Variants in ATP6V1C2 observed in about 807,000 individuals in gnomAD.
ATP6V1C2 encodes ATPase H+ transporting V1 subunit C2, also known as V-type proton ATPase subunit C 2.
Under a neutral mutation model 56.8 loss-of-function variants are expected in ATP6V1C2, and 45 were observed. That is an observed-to-expected ratio of 0.79 (90% confidence interval 0.62 to 1.02). The LOEUF (loss-of-function observed/expected upper bound fraction) is 1.02. ATP6V1C2 is among the 50% of genes least tolerant of loss of function. The pLI, the probability that ATP6V1C2 is intolerant of heterozygous loss-of-function variation, is 0.00. For synonymous variants in ATP6V1C2, 220 were observed against 201.3 expected (o/e 1.09, Z -0.79); for missense variants, 463 against 519.7 (o/e 0.89, Z 1.06).
Position 10,722,220 on chromosome 2 carries a change from C to T in ATP6V1C2, c.-27+489C>T, listed in dbSNP as rs139182259. Among the ~76,000 whole-genome samples the T allele has an allele frequency of 5.5e-4, 84 of 152,232 alleles. 1 individual carries two copies. In the East Asian group the frequency reaches 0.014, roughly 25 times the overall value. Reference sequence around the variant, plus strand: ...GCGGCCGCGAAACCACCGGCCACGCCGGGCAAGGGACCCAGCACTGCTGAG... The same window carrying T: ...GCGGCCGCGAAACCACCGGCCACGCTGGGCAAGGGACCCAGCACTGCTGAG... On this transcript the variant is annotated intron_variant, in intron 1 of 13. Coordinates refer to ENST00000272238, the MANE Select transcript of ATP6V1C2 (RefSeq NM_001039362.2).
intron 3 of ATP6V1C2, among the ~76,000 whole-genome samples, chr2:10,740,125 GA>G (rs1397119642): frequency 6.6e-6 from 1 of 150,970 alleles, no homozygotes; most frequent in Non-Finnish European, 1.5e-5. Flanking sequence ...TGCATGCCCA[GA>G]AGTGGAATTA....
intron 3 of ATP6V1C2, among the ~76,000 whole-genome samples, chr2:10,738,606 G>A (rs1159022186): frequency 6.6e-6 from 1 of 152,122 alleles, no homozygotes; most frequent in East Asian, 1.9e-4. Context: ...GGTGCTCATC[G>A]CAGCCCCAGT....
At chr2:10,737,150 C>T (rs773206186) in intron 3 of ATP6V1C2, among the ~76,000 whole-genome samples, 19 of 151,354 alleles carry the variant, frequency 1.3e-4, no homozygotes, top group Middle Eastern at 3.4e-3. Flanking sequence ...TGTGGTGGCT[C>T]ATGCCTGTAA....
chr2:10,737,604 A>G (rs537787734), intron 3 of ATP6V1C2, among the ~76,000 whole-genome samples: 1 of 152,302 alleles, frequency 6.6e-6, no homozygotes, highest in East Asian at 1.9e-4. Flanking sequence ...GAGCAACACT[A>G]TCAATGAATG....
Position 10,780,717 on chromosome 2 carries a change from T to C in ATP6V1C2, c.1062-1526T>C, listed in dbSNP as rs1322235352. On this transcript the variant is annotated intron_variant, in intron 12 of 13. Transcript: ENST00000272238. The surrounding 1 kb of genome is among the most constrained non-coding windows in gnomAD (Gnocchi z 4.1). ...GATGCGCATCTGCCCAAGAAAGAGG[T>C]TGAGACCGATGGGCCAGCCGCTCCT... Among the ~76,000 whole-genome samples the C allele has an allele frequency of 6.6e-6, 1 of 151,636 alleles. No homozygotes were observed. The highest frequency in any genetic ancestry group is 1.5e-5 in the Non-Finnish European group (1 of 67,976).
intron 3 of ATP6V1C2, among the ~76,000 whole-genome samples, chr2:10,730,296 A>G (rs749538416): frequency 1.8e-4 from 28 of 151,972 alleles, no homozygotes; most frequent in Admixed American, 7.9e-4. Context: ...TTGTATTTTT[A>G]GTAGAGATGG....
Position 10,783,673 on chromosome 2 carries a change from GC to G in ATP6V1C2, c.*413del, listed in dbSNP as rs1665538947. ...TGGGCAGGAAATCAGTTCTCACTGA[GC>G]CCGGTTTCCATGTAAAATCTCTGTT... On this transcript the variant is annotated 3_prime_UTR_variant, in exon 14 of 14. Transcript: ENST00000272238. 1 of 163,200 alleles carries G rather than the reference GC, an allele frequency of 6.1e-6. No individual in the cohort carries two copies. Among genetic ancestry groups the G allele is most frequent in the Non-Finnish European group, 1.3e-5 (1 of 75,398 alleles). 10.1% of individuals were successfully genotyped at this position (163,200 alleles called of 1,614,324 possible).
At position 10,772,411 on chromosome 2, in the gene ATP6V1C2, AG is replaced by A. The variant is rs1374954875; in HGVS notation, c.570-128del. On this transcript the variant is annotated intron_variant, in intron 7 of 13. Coordinates refer to ENST00000272238, the MANE Select transcript of ATP6V1C2 (RefSeq NM_001039362.2). ...GGAACAGCAGACCTCAGGGGAGGTG[AG>A]GGCTCCCTCTGACCCCATCCCTGCT... The A allele has an allele frequency of 1.4e-4, 112 of 783,882 alleles. No homozygotes were observed. The East Asian group carries it at 2.1e-3, about 15-fold the overall frequency. 48.6% of individuals were successfully genotyped at this position (783,882 alleles called of 1,614,324 possible).
At chr2:10,762,720 C>T (rs758116428) in intron 4 of ATP6V1C2, among the ~76,000 whole-genome samples, 3 of 152,094 alleles carry the variant, frequency 2.0e-5, no homozygotes, top group Non-Finnish European at 4.4e-5. Flanking sequence ...CCTCCCACCT[C>T]CATGGCTGCC....
chr2:10,740,043 A>C (rs1662462102), intron 3 of ATP6V1C2, among the ~76,000 whole-genome samples: 1 of 148,322 alleles, frequency 6.7e-6, no homozygotes, highest in Admixed American at 6.9e-5. Flanking sequence ...AGCTGAGATC[A>C]CGCCTCTGCA....
intron 8 of ATP6V1C2, among the ~76,000 whole-genome samples, chr2:10,774,499 A>G (rs1664829875): frequency 6.6e-6 from 1 of 152,232 alleles, no homozygotes; most frequent in African/African-American, 2.4e-5. Context: ...ACGGAGGCCC[A>G]GGAGGGCTTG....
intron 3 of ATP6V1C2, chr2:10,744,268 G>A (rs1383077634): frequency 6.6e-6 from 1 of 152,214 alleles, no homozygotes; most frequent in Non-Finnish European, 1.5e-5. Context: ...ATGTTTGATA[G>A]ATACTCTAAA....
intron 6 of ATP6V1C2, among the ~76,000 whole-genome samples, chr2:10,769,453 C>G (rs1369661007): frequency 2.0e-5 from 3 of 152,034 alleles, no homozygotes; most frequent in African/African-American, 7.3e-5. Flanking sequence ...CCTGTAATCC[C>G]AGCACTTTGG....
chr2:10,780,472 C>G lies in ATP6V1C2; in HGVS notation c.1062-1771C>G, dbSNP rs1465385310. Among the ~76,000 whole-genome samples, 2 of 152,224 alleles carry G rather than the reference C, an allele frequency of 1.3e-5. No individual in the cohort carries two copies. The highest frequency in any genetic ancestry group is 2.9e-5 in the Non-Finnish European group (2 of 68,036). ...TCCTGGTTCTTCTGCCCTGCACATG[C>G]ACCGCACCCACACCTGTACCCATGC... On this transcript the variant is annotated intron_variant, in intron 12 of 13. Coordinates refer to ENST00000272238, the MANE Select transcript of ATP6V1C2 (RefSeq NM_001039362.2). The surrounding 1 kb of genome is among the most constrained non-coding windows in gnomAD (Gnocchi z 4.1).
chr2:10,778,142 G>C (rs1372835029), intron 11 of ATP6V1C2, among the ~76,000 whole-genome samples: 1 of 152,212 alleles, frequency 6.6e-6, no homozygotes, highest in Non-Finnish European at 1.5e-5. Context: ...TGCCACACCG[G>C]CATCAGTGGC....
At chr2:10,730,477 C>G (rs1296694474) in intron 3 of ATP6V1C2, among the ~76,000 whole-genome samples, 30 of 151,956 alleles carry the variant, frequency 2.0e-4, no homozygotes, top group Admixed American at 2.0e-3. Context: ...TCTCTGTGTT[C>G]TGTTGCTATT....
chr2:10,782,222 A>G, intron 12 of ATP6V1C2, 21 bp from the exon 13 acceptor site: 1 of 1,613,306 alleles, frequency 6.2e-7, no homozygotes, highest in Non-Finnish European at 8.5e-7. Flanking sequence ...GTGAACTGAC[A>G]CATTTTGTCT....
chr2:10,761,107 C>A (rs529410736), intron 4 of ATP6V1C2, among the ~76,000 whole-genome samples: 1 of 152,156 alleles, frequency 6.6e-6, no homozygotes, highest in Non-Finnish European at 1.5e-5. Context: ...GTTGGGCCAC[C>A]CCTGGAAGGA....
intron 3 of ATP6V1C2, among the ~76,000 whole-genome samples, chr2:10,738,588 A>G (rs1572520317): frequency 6.6e-6 from 1 of 152,116 alleles, no homozygotes; most frequent in Admixed American, 6.5e-5. Flanking sequence ...TTCACTTAAC[A>G]CCGTGTTGGT....
Sources: allele counts gnomAD v4.1 joint callset (sites outside exome capture counted in the v4.1 genomes callset), GRCh38; gene constraint gnomAD v4.1.1; non-coding constraint Gnocchi (gnomAD v3.1); transcripts MANE v1.5; gene names NCBI Gene and HGNC (gene_info 2026-07-23, HGNC 2026-07-21).